Variants in PPP1R16A observed in about 807,000 individuals in gnomAD.
The protein encoded by PPP1R16A is myosin phosphatase-targeting subunit 3.
PPP1R16A carries 39 observed loss-of-function variants against 46.6 expected under a neutral mutation model. That is an observed-to-expected ratio of 0.84 (90% CI 0.65 to 1.09). PPP1R16A has a LOEUF of 1.09. PPP1R16A is among the 50% of genes least tolerant of loss of function. The probability of loss-of-function intolerance (pLI) is 0.00; values close to 1 mark genes in which losing one functional copy is unlikely to be tolerated. For synonymous variants in PPP1R16A, 413 were observed against 321.5 expected, an observed-to-expected ratio of 1.28 and a Z score of -3.04; for missense variants, 798 against 735.6, an observed-to-expected ratio of 1.08 and a Z score of -0.98.
Position 144,483,026 on chromosome 8 carries a change from G to GC in PPP1R16A, c.-914+4905dup, listed in dbSNP as rs555807785. Among the ~76,000 whole-genome samples the GC allele has an allele frequency of 4.4e-3, 669 of 150,664 alleles. 2 individuals are homozygous for GC. Among genetic ancestry groups the GC allele is most frequent in the Non-Finnish European group, 6.9e-3 (470 of 67,724 alleles). On this transcript the variant is annotated intron_variant, in intron 1 of 11. Transcript: ENST00000435887. ...TTGAACTCCTGACCTCAGGTGATCC[G>GC]CCCCCCTCAACTCCCAAAGTGCTGG...
chr8:144,493,579 G>C lies in PPP1R16A; in HGVS notation c.-734-2882G>C, dbSNP rs1175214266. ...GAGGGAGGCAGTCTTTCCTTCTGGA[G>C]CCCTCAGCCCACTGCCGTGGGCCTT... On this transcript the variant is annotated intron_variant, in intron 2 of 11. Transcript: ENST00000435887. The surrounding 1 kb of genome is among the most constrained non-coding windows in gnomAD (Gnocchi z 4.3). Among the ~76,000 whole-genome samples the C allele has an allele frequency of 6.6e-6, 1 of 152,166 alleles. No homozygotes were observed. Among genetic ancestry groups the C allele is most frequent in the African/African-American group, 2.4e-5 (1 of 41,446 alleles).
In PPP1R16A at chr8:144,488,489, G is replaced by A. The variant is rs539735472; in HGVS notation, c.-913-1545G>A. Among the ~76,000 whole-genome samples, 17 of 152,312 alleles carry A rather than the reference G, an allele frequency of 1.1e-4. 3 individuals carry two copies. In the South Asian group the frequency reaches 3.5e-3, roughly 32 times the overall value. ...GGCTTGTAGTAGCGAGCCAGGCAGA[G>A]AGGAGGCGATGGGCAGAGAGTGGGA... On this transcript the variant is annotated intron_variant, in intron 1 of 11. Transcript: ENST00000435887.
intron 3 of PPP1R16A, chr8:144,498,549 G>GT (rs1826218711): frequency 3.7e-6 from 2 of 542,166 alleles, no homozygotes; most frequent in Non-Finnish European, 6.5e-6. Flanking sequence ...GCACCACCAT[G>GT]AAGGGCCTGC....
Position 144,497,454 on chromosome 8 carries a change from G to A in PPP1R16A, c.259+1G>A. The A allele has an allele frequency of 6.2e-7, 1 of 1,612,752 alleles. No homozygotes were observed. Among genetic ancestry groups the A allele is most frequent in the Non-Finnish European group, 8.5e-7 (1 of 1,180,012 alleles). On this transcript the variant is annotated splice_donor_variant, in intron 3 of 11. Transcript: ENST00000435887. LOFTEE classifies it high-confidence loss of function. The stretch of plus-strand genomic sequence containing the variant: ...GCTGCCCGAAATGACCTGGAAGAAG[G>A]TGAGTGTGGCTGAGCCCAGAGCAGC...
At chr8:144,497,751 G>A (rs924926072) in intron 3 of PPP1R16A, 5 of 533,464 alleles carry the variant, frequency 9.4e-6, no homozygotes, top group Non-Finnish European at 1.4e-5. Flanking sequence ...CCAGGAGCCT[G>A]CAGAAAAACC....
At chr8:144,500,434 G>T (rs772483757) in intron 7 of PPP1R16A, 43 bp downstream of exon 7, 17 of 1,527,742 alleles carry the variant, frequency 1.1e-5, no homozygotes, top group Non-Finnish European at 1.4e-5. Context: ...TGGGGGCCTC[G>T]CTACTTGGAG....
At position 144,494,912 on chromosome 8, in the gene PPP1R16A, C is replaced by T. The variant is rs3808371; in HGVS notation, c.-734-1549C>T. Among the ~76,000 whole-genome samples, 52 of 152,284 alleles carry T rather than the reference C, an allele frequency of 3.4e-4. No individual in the cohort carries two copies. In the East Asian group the frequency reaches 7.9e-3, roughly 23 times the overall value. On this transcript the variant is annotated intron_variant, in intron 2 of 11. Transcript: ENST00000435887. ...GCAGCATGCCTGCAAGACTGGCTCT[C>T]CTGCCTCTCTGGTACCCATGCTGTG...
chr8:144,483,124 G>A (rs115812532), intron 1 of PPP1R16A, among the ~76,000 whole-genome samples: 2,774 of 152,256 alleles, frequency 0.018, 85 homozygotes, highest in African/African-American at 0.06. Context: ...AGTAGGATAT[G>A]CCTTCTTTTT....
intron 10 of PPP1R16A, 24 bp downstream of exon 10, chr8:144,500,995 C>G (rs1276202637): frequency 2.1e-6 from 3 of 1,433,986 alleles, no homozygotes; most frequent in South Asian, 3.0e-5. Context: ...CCAGCAGGCC[C>G]CGCCCCGGGC....
In PPP1R16A at chr8:144,501,254, A is replaced by C. The variant is rs1420147132; in HGVS notation, c.1163A>C (p.Asp388Ala). The C allele has an allele frequency of 9.4e-6, 15 of 1,602,822 alleles. No homozygotes were observed. The Middle Eastern group carries it at 6.6e-4, about 70-fold the overall frequency. ...TSPEPPEDND[D>A]RQTGAELRPP... Reference sequence around the variant, plus strand: ...CCGGAGCCGCCCGAGGACAACGATGACCGCCAGACAGGCGCAGAGCTCAGG... The same window carrying C: ...CCGGAGCCGCCCGAGGACAACGATGCCCGCCAGACAGGCGCAGAGCTCAGG... The change falls in exon 11 of 12, where the codon GAC becomes GCC. Residue 388 changes from aspartate (D) to alanine (A), a missense_variant. By Grantham distance (126) the Asp-to-Ala change is moderately radical. Coordinates refer to ENST00000435887, the MANE Select transcript of PPP1R16A (RefSeq NM_001329443.2).
Position 144,498,967 on chromosome 8 carries a change from G to A in PPP1R16A, c.382G>A (p.Ala128Thr). ...GGTGCAGCAGCTCCTGGAGGCTGGG[G>A]CCAACATCAATGCCTGTGACAGTGA... ...EMVQQLLEAG[A>T]NINACDSECW... The change falls in exon 5 of 12, where the codon GCC becomes ACC. Residue 128 changes from alanine to threonine, a missense_variant. Transcript: ENST00000435887. 1 of 1,612,238 alleles carries A rather than the reference G, an allele frequency of 6.2e-7. No homozygotes were observed.
chr8:144,498,740 C>G (rs191045444), intron 3 of PPP1R16A, 30 bp from the exon 4 acceptor site: 17 of 1,555,232 alleles, frequency 1.1e-5, no homozygotes, highest in Non-Finnish European at 1.5e-5. Context: ...AGGGGCAGGA[C>G]CCTGTCCTCA....
intron 1 of PPP1R16A, among the ~76,000 whole-genome samples, chr8:144,489,385 G>A (rs1178419332): frequency 8.4e-6 from 1 of 119,250 alleles, no homozygotes; most frequent in Non-Finnish European, 1.7e-5. Context: ...GGTCTGAGGG[G>A]GGTTGGACTG....
intron 1 of PPP1R16A, among the ~76,000 whole-genome samples, chr8:144,480,271 G>A (rs1825353227): frequency 6.6e-6 from 1 of 152,150 alleles, no homozygotes; most frequent in African/African-American, 2.4e-5. Flanking sequence ...TACTGTGAAG[G>A]GCTAGGCAGC....
intron 1 of PPP1R16A, among the ~76,000 whole-genome samples, chr8:144,486,325 C>T (rs1825626637): frequency 6.6e-6 from 1 of 152,074 alleles, no homozygotes; most frequent in South Asian, 2.1e-4. Flanking sequence ...CCCCAGCCTC[C>T]GAAAGTGCTG....
chr8:144,500,468 G>T lies in PPP1R16A; in HGVS notation c.706-19G>T, dbSNP rs761224351. On this transcript the variant is annotated intron_variant, in intron 7 of 11. Transcript: ENST00000435887. ...AGGTGGGGGATGGGGCCGAATTCAG[G>T]CCGGGCGCTTGCCTGCAGCTGCACG... 6.4e-7 allele frequency: 1 copy of T among 1,563,338 alleles called. No homozygotes were observed. The highest frequency in any genetic ancestry group is 8.6e-7 in the Non-Finnish European group (1 of 1,163,104).
In PPP1R16A at chr8:144,500,331, C is replaced by T. The variant is rs1826355194; in HGVS notation, c.645C>T (p.Ile215=). The change falls in exon 7 of 12, where the codon ATC becomes ATT. Residue 215 remains isoleucine, a synonymous_variant. Transcript: ENST00000435887. ...AVPELRMLDD[I]RSRLQAGADL... The stretch of plus-strand genomic sequence containing the variant: ...CAGAACTGCGCATGCTGGACGACAT[C>T]CGGAGCCGGCTGCAGGCCGGGGCAG... 6.5e-7 allele frequency: 1 copy of T among 1,538,066 alleles called. No homozygotes were observed. The highest frequency in any genetic ancestry group is 1.2e-5 in the South Asian group (1 of 84,006).
chr8:144,480,156 C>T (rs73377613), intron 1 of PPP1R16A, among the ~76,000 whole-genome samples: 10 of 152,164 alleles, frequency 6.6e-5, no homozygotes, highest in Non-Finnish European at 1.2e-4. Context: ...TCCTAAGATC[C>T]GGTGGAAGAA....
rs549302126 is a variant in PPP1R16A at position 144,496,564 on chromosome 8, TG to T, written c.-627del. 1.2e-3 allele frequency: 192 copies of T among 156,466 alleles called. No homozygotes were observed. The highest frequency in any genetic ancestry group is 2.6e-3 in the Admixed American group (42 of 16,280). The allele number at this position is 156,466 out of a possible 1,614,324, so 9.7% of individuals were successfully genotyped here. On this transcript the variant is annotated 5_prime_UTR_variant, in exon 3 of 12. Coordinates refer to ENST00000435887, the MANE Select transcript of PPP1R16A (RefSeq NM_001329443.2). ...CCTAGAGAGCCTCACCCCTGGGCCC[TG>T]GGGCCAGGACTCCAGGACTCTGACT...
Sources: gnomAD v4.1 joint callset for allele counts (sites outside exome capture counted in the v4.1 genomes callset) on GRCh38, gnomAD v4.1.1 for gene constraint, Gnocchi (gnomAD v3.1) non-coding constraint, MANE v1.5 for transcripts, NCBI Gene and HGNC (gene_info 2026-07-23, HGNC 2026-07-21) for gene names.